Variants in ZNF407 observed in about 807,000 individuals in gnomAD.
The protein encoded by ZNF407 is zinc finger protein 407.
In ZNF407, 17 loss-of-function variants were observed where a neutral mutation model predicts 131.2. The observed-to-expected ratio is 0.13, with a 90% CI of 0.09 to 0.19. The LOEUF (loss-of-function observed/expected upper bound fraction) is 0.19, where lower values mean the gene tolerates loss of function less well. ZNF407 is among the 10% of genes least tolerant of loss of function. The pLI, the probability that ZNF407 is intolerant of heterozygous loss-of-function variation, is 1.00. For synonymous variants in ZNF407, 1,156 were observed against 1,062.0 expected, an observed-to-expected ratio of 1.09 and a Z score of -1.72; for missense variants, 2,681 against 2,830.6, an observed-to-expected ratio of 0.95 and a Z score of 1.20.
intron 3 of ZNF407, among the ~76,000 whole-genome samples, chr18:74,707,603 G>T (rs570343887): frequency 6.6e-6 from 1 of 152,274 alleles, no homozygotes; most frequent in South Asian, 2.1e-4. Context: ...GATTAGAGAT[G>T]CTCAGCTTGT....
chr18:74,669,457 A>G (rs1320163159), intron 3 of ZNF407, among the ~76,000 whole-genome samples: 1 of 151,574 alleles, frequency 6.6e-6, no homozygotes, highest in Non-Finnish European at 1.5e-5. Flanking sequence ...CTCCATTCTT[A>G]GGGTAGCGTT....
At chr18:74,925,683 A>G (rs1971904471) in intron 8 of ZNF407, among the ~76,000 whole-genome samples, 1 of 152,228 alleles carries the variant, frequency 6.6e-6, no homozygotes, top group South Asian at 2.1e-4. Context: ...TTGTACAACA[A>G]TTCATTTTCT....
intron 3 of ZNF407, among the ~76,000 whole-genome samples, chr18:74,671,201 A>G (rs1310260526): frequency 2.6e-5 from 4 of 152,072 alleles, no homozygotes; most frequent in Non-Finnish European, 5.9e-5. Flanking sequence ...GCCATACAGT[A>G]TTTGTACTTT....
chr18:74,932,381 T>C (rs1971992261), intron 8 of ZNF407, among the ~76,000 whole-genome samples: 1 of 152,234 alleles, frequency 6.6e-6, no homozygotes. Context: ...TCTGCTACCC[T>C]AGCAGTTTCT....
intron 4 of ZNF407, among the ~76,000 whole-genome samples, chr18:74,855,555 T>A (rs949001941): frequency 6.6e-6 from 1 of 152,204 alleles, no homozygotes; most frequent in Non-Finnish European, 1.5e-5. Flanking sequence ...TTCATAAATT[T>A]CAAAATAATT....
intron 6 of ZNF407, among the ~76,000 whole-genome samples, chr18:74,885,697 T>G (rs1971299867): frequency 6.6e-6 from 1 of 152,216 alleles, no homozygotes; most frequent in African/African-American, 2.4e-5. Flanking sequence ...AAGTGTTTTT[T>G]CTGCAAAGGA....
intron 4 of ZNF407, among the ~76,000 whole-genome samples, chr18:74,852,339 G>T (rs1022924089): frequency 6.6e-6 from 1 of 152,016 alleles, no homozygotes; most frequent in Admixed American, 6.6e-5. Flanking sequence ...ACTTTTGAGG[G>T]GAGGGAATAG....
At chr18:74,665,470 T>C (rs1227854405) in intron 3 of ZNF407, among the ~76,000 whole-genome samples, 1 of 152,160 alleles carries the variant, frequency 6.6e-6, no homozygotes, top group Non-Finnish European at 1.5e-5. Flanking sequence ...GAGAGTCCCA[T>C]ACAATACTTT....
At chr18:74,863,999 C>G (rs1018359516) in intron 4 of ZNF407, among the ~76,000 whole-genome samples, 3 of 151,952 alleles carry the variant, frequency 2.0e-5, no homozygotes, top group Admixed American at 2.0e-4. Context: ...ACATTCAAAC[C>G]TCTGTCTCCT....
intron 3 of ZNF407, among the ~76,000 whole-genome samples, chr18:74,764,621 T>C (rs1969186637): frequency 1.3e-5 from 2 of 152,222 alleles, no homozygotes; most frequent in Admixed American, 6.5e-5. Flanking sequence ...AATCTAGAGA[T>C]GATCTAAAGT....
At chr18:74,843,093 G>T (rs1970656474) in intron 4 of ZNF407, among the ~76,000 whole-genome samples, 2 of 152,154 alleles carry the variant, frequency 1.3e-5, no homozygotes, top group African/African-American at 4.8e-5. Flanking sequence ...CACTTAAGGA[G>T]TTGAGCTTCC....
At chr18:75,009,613 A>G (rs533751226) in intron 8 of ZNF407, among the ~76,000 whole-genome samples, 2 of 152,366 alleles carry the variant, frequency 1.3e-5, no homozygotes, top group African/African-American at 2.4e-5. Flanking sequence ...CACTTGTTCA[A>G]CGCTTACTAT....
chr18:74,897,698 A>G (rs1457767281), intron 7 of ZNF407, among the ~76,000 whole-genome samples: 1 of 152,200 alleles, frequency 6.6e-6, no homozygotes, highest in Non-Finnish European at 1.5e-5. Flanking sequence ...CTATTATCAA[A>G]CAACAAAACA....
At chr18:74,990,724 A>G (rs541000574) in intron 8 of ZNF407, among the ~76,000 whole-genome samples, 3 of 152,208 alleles carry the variant, frequency 2.0e-5, no homozygotes, top group Non-Finnish European at 2.9e-5. Context: ...CTCACACTCA[A>G]CTCTTGACTT....
chr18:74,822,775 A>G (rs1195468765), intron 4 of ZNF407, among the ~76,000 whole-genome samples: 1 of 152,178 alleles, frequency 6.6e-6, no homozygotes, highest in Non-Finnish European at 1.5e-5. Flanking sequence ...CATGAAGTTT[A>G]AAGTAGTTTT....
At chr18:74,630,558 T>C (rs1385510379) in intron 1 of ZNF407, among the ~76,000 whole-genome samples, 2 of 152,168 alleles carry the variant, frequency 1.3e-5, no homozygotes. Context: ...ACTTCTAGAC[T>C]TGCATCACAG....
chr18:74,598,461 T>TAGCTGCAC (rs1982411523), intron 1 of ZNF407: 1 of 152,352 alleles, frequency 6.6e-6, no homozygotes, highest in African/African-American at 2.4e-5. Flanking sequence ...GATGCTCCCC[T>TAGCTGCAC]AGCTGCACAG....
intron 8 of ZNF407, among the ~76,000 whole-genome samples, chr18:75,034,589 A>G (rs1274711537): frequency 6.6e-6 from 1 of 150,480 alleles, no homozygotes; most frequent in African/African-American, 2.4e-5. Flanking sequence ...GGCGTGAGCC[A>G]CTGCGCCCGG....
intron 1 of ZNF407, among the ~76,000 whole-genome samples, chr18:74,623,238 TAGTGTGTGTGCATGTG>T (rs1372151418): frequency 4.7e-5 from 7 of 149,788 alleles, no homozygotes; most frequent in African/African-American, 1.2e-4. Context: ...GTGCGGGTGT[TAGTGTGTGTGCATGTG>T]AGTGTGTGTG....
Sources: allele counts gnomAD v4.1 joint callset (sites outside exome capture counted in the v4.1 genomes callset), GRCh38; gene constraint gnomAD v4.1.1; transcripts MANE v1.5; gene names NCBI Gene and HGNC (gene_info 2026-07-23, HGNC 2026-07-21).